Variants in MEIG1 observed in about 807,000 individuals in gnomAD.
MEIG1 encodes meiosis/spermiogenesis associated 1.
Under a neutral mutation model 11.3 loss-of-function variants are expected in MEIG1, and 12 were observed. That is an observed-to-expected ratio of 1.07 (90% confidence interval 0.68 to 1.73). The LOEUF (loss-of-function observed/expected upper bound fraction) is 1.73. MEIG1 is among the 40% of genes most tolerant of loss of function. MEIG1 has a pLI of 0.00. For missense variants in MEIG1, 119 were observed against 104.9 expected (o/e 1.13, Z -0.59); for synonymous variants, 41 against 33.2 (o/e 1.24, Z -0.81).
chr10:14,964,636 C>CTTTTTTT (rs35249492), intron 1 of MEIG1, among the ~76,000 whole-genome samples: 4 of 49,224 alleles, frequency 8.1e-5, no homozygotes, highest in Non-Finnish European at 1.4e-4. Flanking sequence ...TATATGTATA[C>CTTTTTTT]TTTTTTTTTT....
At chr10:14,978,776 T>C (rs1262650089) in intron 1 of MEIG1, among the ~76,000 whole-genome samples, 1 of 151,964 alleles carries the variant, frequency 6.6e-6, no homozygotes, top group Non-Finnish European at 1.5e-5. Flanking sequence ...ATTCGTAATA[T>C]CCTAGCGAGA....
At chr10:14,981,735 T>G (rs879748173) in intron 1 of MEIG1, among the ~76,000 whole-genome samples, 11 of 152,192 alleles carry the variant, frequency 7.2e-5, no homozygotes, top group Non-Finnish European at 1.3e-4. Flanking sequence ...CTTGTTTTCT[T>G]TTGAGCTGAG....
At chr10:14,985,747 T>A (rs544953751) in intron 1 of MEIG1, among the ~76,000 whole-genome samples, 1 of 152,118 alleles carries the variant, frequency 6.6e-6, no homozygotes, top group East Asian at 1.9e-4. Flanking sequence ...TTACTCCTAA[T>A]ATGTCACAGG....
chr10:14,982,278 G>T (rs1192535979), intron 1 of MEIG1, among the ~76,000 whole-genome samples: 1 of 152,140 alleles, frequency 6.6e-6, no homozygotes, highest in African/African-American at 2.4e-5. Context: ...TTTAGCCTTT[G>T]CATATCCTCT....
intron 2 of MEIG1, among the ~76,000 whole-genome samples, chr10:14,966,989 C>T (rs911667200): frequency 6.6e-6 from 1 of 152,150 alleles, no homozygotes; most frequent in African/African-American, 2.4e-5. Context: ...GCGCCTAAGC[C>T]TTCCAGAGTG....
chr10:14,959,264 T>C (rs773733840), upstream of MEIG1, among the ~76,000 whole-genome samples: 1 of 152,156 alleles, frequency 6.6e-6, no homozygotes, highest in Non-Finnish European at 1.5e-5. Context: ...ATTGGCTTAG[T>C]AAGATGGGCC....
At chr10:14,976,549 T>G (rs375404683), downstream of MEIG1, among the ~76,000 whole-genome samples, 24 of 151,272 alleles carry the variant, frequency 1.6e-4, no homozygotes, top group African/African-American at 5.8e-4. Flanking sequence ...CGTATTATCC[T>G]CATAAGATGT....
intron 1 of MEIG1, among the ~76,000 whole-genome samples, chr10:14,986,195 C>T (rs533642124): frequency 1.1e-4 from 16 of 152,162 alleles, no homozygotes; most frequent in African/African-American, 3.9e-4. Flanking sequence ...CGTGCTGGCG[C>T]ATGCCTGTAA....
intron 1 of MEIG1, chr10:14,986,779 G>C (rs1402907079): frequency 5.8e-6 from 2 of 342,976 alleles, no homozygotes; most frequent in African/African-American, 2.2e-5. Context: ...CTGACTAATA[G>C]TTTGTTTTTT....
chr10:14,964,893 T>C (rs1265396977), intron 1 of MEIG1, among the ~76,000 whole-genome samples: 1 of 151,908 alleles, frequency 6.6e-6, no homozygotes, highest in Non-Finnish European at 1.5e-5. Flanking sequence ...GTTCAAGTGA[T>C]TGTCATGCCT....
rs1037014230 is a variant in MEIG1, at chr10:14,967,970, A to G, written c.138+1364A>G. The stretch of plus-strand genomic sequence containing the variant: ...ATGGACTCCCCAAGTTCAAACTTGC[A>G]TTGGTCAAGGGTCAACTGTATTGTA... On this transcript the variant is annotated intron_variant, in intron 2 of 2. Transcript: ENST00000407572. Among the ~76,000 whole-genome samples, 5 of 152,184 alleles carry G rather than the reference A, an allele frequency of 3.3e-5. No individual in the cohort carries two copies. The East Asian group carries it at 9.6e-4, about 29-fold the overall frequency.
At chr10:14,973,769 C>CAAAAAAAAAAA (rs59507280), downstream of MEIG1, among the ~76,000 whole-genome samples, 3 of 90,432 alleles carry the variant, frequency 3.3e-5, no homozygotes, top group South Asian at 4.4e-4. Flanking sequence ...GACTCCATCT[C>CAAAAAAAAAAA]AAAAAAAAAA....
intron 1 of MEIG1, among the ~76,000 whole-genome samples, chr10:14,985,048 C>T (rs1298648037): frequency 1.3e-5 from 2 of 151,910 alleles, no homozygotes; most frequent in Non-Finnish European, 2.9e-5. Flanking sequence ...AGAGATGTTA[C>T]TACTGATGTC....
upstream of MEIG1, among the ~76,000 whole-genome samples, chr10:14,958,805 A>C (rs1396402484): frequency 6.6e-6 from 1 of 152,120 alleles, no homozygotes; most frequent in Non-Finnish European, 1.5e-5. Flanking sequence ...CTGAGGCAGG[A>C]GAATGGCGTG....
chr10:14,973,517 C>T (rs1233867733), downstream of MEIG1, among the ~76,000 whole-genome samples: 1 of 152,096 alleles, frequency 6.6e-6, no homozygotes, highest in Non-Finnish European at 1.5e-5. Context: ...CACCTAAAAT[C>T]CTAGCACTTT....
rs749211535 is a variant in MEIG1, at chr10:14,965,675, T to TGAGAGAGAGAGAGAGAGAGAGAGA, written c.-29-747_-29-724dup. 2.5e-4 allele frequency among the ~76,000 whole-genome samples: 25 copies of TGAGAGAGAGAGAGAGAGAGAGAGA among 101,224 alleles called. 1 individual carries two copies. Among genetic ancestry groups the TGAGAGAGAGAGAGAGAGAGAGAGA allele is most frequent in the East Asian group, 1.2e-3 (4 of 3,414 alleles). The allele number at this position is 101,224 out of a possible 152,430, so 66.4% of individuals were successfully genotyped here. A position where few individuals can be genotyped will look rare whatever the true frequency, so the allele number is the denominator to read the frequency against. ...GAAGACGGGTCTTACATTCCCTTTT[T>TGAGAGAGAGAGAGAGAGAGAGAGA]GAGAGAGAGAGAGAGAGAGAGAGAG... On this transcript the variant is annotated intron_variant, in intron 1 of 2. Coordinates refer to ENST00000407572, the MANE Select transcript of MEIG1 (RefSeq NM_001080836.3).
chr10:14,985,040 A>T (rs1843304541), intron 1 of MEIG1, among the ~76,000 whole-genome samples: 1 of 151,920 alleles, frequency 6.6e-6, no homozygotes, highest in South Asian at 2.1e-4. Flanking sequence ...TGTCTTGAAG[A>T]GATGTTACTA....
At position 14,981,492 on chromosome 10, in the gene MEIG1, C is replaced by T. The variant is rs527423569; in HGVS notation, n.67-5304C>T. On this transcript the variant is annotated intron_variant and non_coding_transcript_variant, in intron 1 of 2. Transcript: ENST00000467536. ...AGAAAGCTTGCTTTGCGGAAACCCC[C>T]GTGGCTCCGGTGATGTCAAGAGTCT... Among the ~76,000 whole-genome samples the T allele has an allele frequency of 8.5e-5, 13 of 152,262 alleles. No homozygotes were observed. In the South Asian group the frequency reaches 2.3e-3, roughly 27 times the overall value.
rs1404664030 is a variant in MEIG1, at chr10:14,966,550, C to T, written c.82C>T (p.Gln28Ter). 1 of 1,612,206 alleles carries T rather than the reference C, an allele frequency of 6.2e-7. No homozygotes were observed. The highest frequency in any genetic ancestry group is 1.7e-5 in the Admixed American group (1 of 59,734). Residue 28 changes from glutamine to a stop codon, truncating the protein, a stop_gained, in exon 2 of 3, where the codon CAA becomes TAA. Transcript: ENST00000407572. LOFTEE classifies it high-confidence loss of function. ...AGAGATAGAAAATCTGTACAGATTTCAACAAGCAGGATATCGGGATGAAAC... is the reference window on the plus strand; with the variant it reads ...AGAGATAGAAAATCTGTACAGATTTTAACAAGCAGGATATCGGGATGAAAC... The part of the protein sequence containing the change: ...SEEIENLYRF[Q>*]QAGYRDETEY...
Sources: allele counts gnomAD v4.1 joint callset (sites outside exome capture counted in the v4.1 genomes callset), GRCh38; gene constraint gnomAD v4.1.1; transcripts MANE v1.5; gene names NCBI Gene and HGNC (gene_info 2026-07-23, HGNC 2026-07-21).